SLCO5A1: variants seen among roughly 807,000 people sequenced by gnomAD.
SLCO5A1 encodes solute carrier organic anion transporter family member 5A1.
In SLCO5A1, 39 loss-of-function variants were observed where a neutral mutation model predicts 65.1. The observed-to-expected ratio is 0.60, with a 90% confidence interval of 0.46 to 0.78. The LOEUF is 0.78. Among genes scored for constraint, SLCO5A1 ranks in the 30% least tolerant of loss-of-function variants. SLCO5A1 has a pLI of 0.00. For missense variants in SLCO5A1, 1,029 were observed against 1,069.4 expected (o/e 0.96, Z 0.53); for synonymous variants, 438 against 415.7 (o/e 1.05, Z -0.65).
chr8:69,711,655 G>A (rs1815268191), intron 5 of SLCO5A1, among the ~76,000 whole-genome samples: 2 of 152,306 alleles, frequency 1.3e-5, no homozygotes, highest in African/African-American at 2.4e-5. Context: ...GATCCCCTAA[G>A]TTCAAATCTC....
Position 69,672,768 on chromosome 8 carries a change from T to C in SLCO5A1, c.*101A>G. The stretch of plus-strand genomic sequence containing the variant: ...TTTGTTGGTTTGAGGATTGTGTCTG[T>C]AGAGGTTAAAAAAAAGAAAGAAAGA... On this transcript the variant is annotated 3_prime_UTR_variant, in exon 10 of 10. Coordinates refer to ENST00000260126, the MANE Select transcript of SLCO5A1 (RefSeq NM_030958.3). 7.8e-7 allele frequency: 1 copy of C among 1,279,692 alleles called. No individual in the cohort carries two copies. The allele number at this position is 1,279,692 out of a possible 1,614,324, so 79.3% of individuals were successfully genotyped here.
chr8:69,695,786 A>G (rs1342899958), intron 6 of SLCO5A1, among the ~76,000 whole-genome samples: 2 of 152,208 alleles, frequency 1.3e-5, no homozygotes, highest in Non-Finnish European at 2.9e-5. Flanking sequence ...TGAAAACAAT[A>G]CTGTGTTAGA....
intron 3 of SLCO5A1, among the ~76,000 whole-genome samples, chr8:69,756,039 T>C (rs987862336): frequency 6.6e-6 from 1 of 152,246 alleles, no homozygotes; most frequent in East Asian, 1.9e-4. Flanking sequence ...ATATAGACTT[T>C]TTTTTGTCAT....
intron 6 of SLCO5A1, chr8:69,700,517 C>T (rs772070474): frequency 6.6e-6 from 1 of 152,166 alleles, no homozygotes; most frequent in Non-Finnish European, 1.5e-5. Context: ...AAATTAAAAA[C>T]AGACCTGAAA....
chr8:69,798,504 A>T (rs1699569168), intron 2 of SLCO5A1, among the ~76,000 whole-genome samples: 1 of 152,168 alleles, frequency 6.6e-6, no homozygotes, highest in Non-Finnish European at 1.5e-5. Context: ...GAAGAGAGAG[A>T]GGGAAGAGGT....
At chr8:69,794,695 G>A (rs532640729) in intron 2 of SLCO5A1, 96 of 308,104 alleles carry the variant, frequency 3.1e-4, no homozygotes, top group African/African-American at 2.0e-3. Context: ...CTTCAAAAAG[G>A]TGCAGACTGC....
At chr8:69,722,831 G>A (rs13256313) in intron 5 of SLCO5A1, among the ~76,000 whole-genome samples, 2,247 of 151,500 alleles carry the variant, frequency 0.015, 36 homozygotes, top group Middle Eastern at 0.041. Context: ...ATGCGTGTAC[G>A]TATTGTGTGT....
chr8:69,784,891 A>AAGGG (rs1818969746), intron 2 of SLCO5A1, among the ~76,000 whole-genome samples: 1 of 104,334 alleles, frequency 9.6e-6, no homozygotes, highest in African/African-American at 4.2e-5. Flanking sequence ...AAGAAAGAAG[A>AAGGG]AAGGAAGAAA....
At chr8:69,797,022 T>C (rs748803854) in intron 2 of SLCO5A1, among the ~76,000 whole-genome samples, 2 of 152,236 alleles carry the variant, frequency 1.3e-5, no homozygotes, top group Non-Finnish European at 2.9e-5. Flanking sequence ...AACAAGTCTC[T>C]AGGAAGTTCC....
rs1053129868 is a variant in SLCO5A1, at chr8:69,824,374, C to T, written c.907+7393G>A. 3.1e-3 allele frequency among the ~76,000 whole-genome samples: 464 copies of T among 151,984 alleles called. 2 individuals carry two copies. The highest frequency in any genetic ancestry group is 0.01 in the African/African-American group (422 of 41,458). ...GAACAGATCAACAATATTGATAGAC[C>T]GCTAGCAAGACTAATAAAGAAGAAA... On this transcript the variant is annotated intron_variant, in intron 2 of 9. Transcript: ENST00000260126.
chr8:69,781,285 C>T (rs1818781442), intron 2 of SLCO5A1, among the ~76,000 whole-genome samples: 4 of 152,258 alleles, frequency 2.6e-5, no homozygotes, highest in Admixed American at 2.6e-4. Context: ...TGTGCAAAGT[C>T]CCTGCAGTCA....
chr8:69,769,033 C>T (rs1175802825), intron 2 of SLCO5A1, among the ~76,000 whole-genome samples: 1 of 152,158 alleles, frequency 6.6e-6, no homozygotes, highest in African/African-American at 2.4e-5. Context: ...CAGGCTTGAC[C>T]TAGTCCCCAG....
chr8:69,733,746 G>C (rs535460513), intron 5 of SLCO5A1, among the ~76,000 whole-genome samples: 2 of 152,120 alleles, frequency 1.3e-5, no homozygotes, highest in Non-Finnish European at 2.9e-5. Flanking sequence ...TATGTAAGAC[G>C]TGCCTCTTCC....
intron 2 of SLCO5A1, among the ~76,000 whole-genome samples, chr8:69,766,411 C>T (rs1818059300): frequency 6.6e-6 from 1 of 152,194 alleles, no homozygotes; most frequent in Non-Finnish European, 1.5e-5. Flanking sequence ...CTCCCTGTTC[C>T]CTAGGCTCCA....
At chr8:69,704,788 T>A (rs1814895657) in intron 6 of SLCO5A1, 1 of 501,948 alleles carries the variant, frequency 2.0e-6, no homozygotes, top group Non-Finnish European at 3.5e-6. Context: ...TTCATCCTCA[T>A]CTGATGTAAT....
intron 6 of SLCO5A1, among the ~76,000 whole-genome samples, chr8:69,691,406 G>T (rs1327412840): frequency 6.6e-6 from 1 of 152,128 alleles, no homozygotes; most frequent in East Asian, 1.9e-4. Flanking sequence ...ATACAGTATT[G>T]TTGACTCTAG....
intron 2 of SLCO5A1, among the ~76,000 whole-genome samples, chr8:69,828,882 G>T (rs1480651726): frequency 6.6e-6 from 1 of 152,142 alleles, no homozygotes; most frequent in Non-Finnish European, 1.5e-5. Context: ...GTTGTTAGTG[G>T]ATGTTCTCCC....
intron 2 of SLCO5A1, among the ~76,000 whole-genome samples, chr8:69,791,329 C>T (rs1397306150): frequency 6.6e-6 from 1 of 152,116 alleles, no homozygotes; most frequent in Admixed American, 6.5e-5. Flanking sequence ...GACAGAGAAA[C>T]GTGAAACCTC....
chr8:69,733,492 C>T (rs1461608997), intron 5 of SLCO5A1, among the ~76,000 whole-genome samples: 4 of 152,188 alleles, frequency 2.6e-5, no homozygotes, highest in African/African-American at 4.8e-5. Flanking sequence ...ATGGATTCCA[C>T]GGGCACCCTG....
Sources: gnomAD v4.1 joint callset for allele counts (sites outside exome capture counted in the v4.1 genomes callset) on GRCh38, gnomAD v4.1.1 for gene constraint, MANE v1.5 for transcripts, NCBI Gene and HGNC (gene_info 2026-07-23, HGNC 2026-07-21) for gene names.